AKAP6: variants seen among roughly 807,000 people sequenced by gnomAD.
AKAP6 encodes A-kinase anchor protein 6.
Under a neutral mutation model 188.5 loss-of-function variants are expected in AKAP6, and 58 were observed. The ratio of observed to expected loss-of-function variants is 0.31; its 90% CI spans 0.25 to 0.38. AKAP6 has a LOEUF of 0.38. Ranked by LOEUF, AKAP6 falls within the 10% of genes least tolerant of loss-of-function variation. The pLI, the probability that AKAP6 is intolerant of heterozygous loss-of-function variation, is 1.00. For synonymous variants in AKAP6, 989 were observed against 998.6 expected (o/e 0.99, Z 0.18); for missense variants, 2,710 against 2,740.0 (o/e 0.99, Z 0.24).
intron 8 of AKAP6, among the ~76,000 whole-genome samples, chr14:32,681,331 C>G (rs562836646): frequency 4.6e-5 from 7 of 152,158 alleles, no homozygotes; most frequent in African/African-American, 1.7e-4. Context: ...AAAACCATGT[C>G]TTTTCTTCAG....
At chr14:32,782,178 AAAGG>A (rs1265594115) in intron 12 of AKAP6, among the ~76,000 whole-genome samples, 5 of 123,110 alleles carry the variant, frequency 4.1e-5, no homozygotes, top group Non-Finnish European at 8.3e-5. Flanking sequence ...AAAAGGAAAG[AAAGG>A]AAGGGAGGGA....
At chr14:32,825,836 A>T (rs2034660348) in intron 13 of AKAP6, among the ~76,000 whole-genome samples, 1 of 152,208 alleles carries the variant, frequency 6.6e-6, no homozygotes, top group Non-Finnish European at 1.5e-5. Context: ...TTACAGAAGC[A>T]ATCTACCCTA....
chr14:32,723,911 G>C (rs1409946737), intron 9 of AKAP6, among the ~76,000 whole-genome samples: 1 of 152,188 alleles, frequency 6.6e-6, no homozygotes, highest in Non-Finnish European at 1.5e-5. Flanking sequence ...CTGGTAGTGA[G>C]GTGTTGGAGC....
intron 9 of AKAP6, chr14:32,718,354 T>C: frequency 1.0e-6 from 1 of 984,884 alleles, no homozygotes; most frequent in Non-Finnish European, 1.2e-6. Flanking sequence ...TAAAATTTAT[T>C]TTGTCAAAAT....
chr14:32,811,878 A>C (rs2034245421), intron 12 of AKAP6, among the ~76,000 whole-genome samples: 1 of 152,212 alleles, frequency 6.6e-6, no homozygotes, highest in African/African-American at 2.4e-5. Flanking sequence ...CTGAGTTTGC[A>C]AGTTGGGACC....
chr14:32,474,186 C>CG (rs1878933828), intron 2 of AKAP6: 2 of 152,202 alleles, frequency 1.3e-5, no homozygotes, highest in Admixed American at 1.3e-4. Flanking sequence ...GTGTGAGCCA[C>CG]GGTGCCCAGC....
chr14:32,457,664 G>C (rs1476896960), intron 2 of AKAP6, among the ~76,000 whole-genome samples: 1 of 152,196 alleles, frequency 6.6e-6, no homozygotes, highest in Non-Finnish European at 1.5e-5. Context: ...CATCCTGATA[G>C]AGTTCAGGCG....
chr14:32,367,320 A>C (rs1400057479), intron 1 of AKAP6, among the ~76,000 whole-genome samples: 1 of 152,244 alleles, frequency 6.6e-6, no homozygotes, highest in African/African-American at 2.4e-5. Flanking sequence ...GCATGATTTA[A>C]GAATATGAAG....
chr14:32,619,549 G>C (rs1886728095), intron 7 of AKAP6, among the ~76,000 whole-genome samples: 1 of 152,120 alleles, frequency 6.6e-6, no homozygotes, highest in African/African-American at 2.4e-5. Flanking sequence ...TTTTATACCA[G>C]TACCATGCTA....
At chr14:32,340,338 C>T (rs1264778046) in intron 1 of AKAP6, among the ~76,000 whole-genome samples, 1 of 152,064 alleles carries the variant, frequency 6.6e-6, no homozygotes, top group Non-Finnish European at 1.5e-5. Context: ...TTGCAATGTA[C>T]AAATACATTA....
At chr14:32,563,684 C>A (rs1174695208) in intron 4 of AKAP6, among the ~76,000 whole-genome samples, 1 of 152,136 alleles carries the variant, frequency 6.6e-6, no homozygotes, top group Non-Finnish European at 1.5e-5. Context: ...TGATGGCCAC[C>A]CCAGGTTCCT....
At chr14:32,597,335 T>G (rs908011886) in intron 5 of AKAP6, among the ~76,000 whole-genome samples, 1 of 152,114 alleles carries the variant, frequency 6.6e-6, no homozygotes, top group South Asian at 2.1e-4. Flanking sequence ...TAGGCTAAAT[T>G]TACAGTTATG....
chr14:32,625,660 A>C, intron 7 of AKAP6, among the ~76,000 whole-genome samples: 1 of 152,196 alleles, frequency 6.6e-6, no homozygotes, highest in South Asian at 2.1e-4. Flanking sequence ...TAAAAAAAAA[A>C]AACCCTTCTT....
At chr14:32,456,842 A>G (rs1278861076) in intron 2 of AKAP6, among the ~76,000 whole-genome samples, 1 of 152,222 alleles carries the variant, frequency 6.6e-6, no homozygotes, top group African/African-American at 2.4e-5. Context: ...TAACTTACCC[A>G]AGAGGAGGGA....
At chr14:32,809,109 T>C (rs949120745) in intron 12 of AKAP6, among the ~76,000 whole-genome samples, 2 of 152,230 alleles carry the variant, frequency 1.3e-5, no homozygotes, top group South Asian at 2.1e-4. Flanking sequence ...AGATGCTCAG[T>C]GTACGTGGGC....
At chr14:32,380,150 T>C (rs907243395) in intron 1 of AKAP6, among the ~76,000 whole-genome samples, 5 of 152,242 alleles carry the variant, frequency 3.3e-5, no homozygotes, top group Admixed American at 2.0e-4. Context: ...TAGCTCCTTT[T>C]CTATCCTGTG....
At chr14:32,579,653 C>G (rs1884878211) in intron 5 of AKAP6, among the ~76,000 whole-genome samples, 1 of 152,114 alleles carries the variant, frequency 6.6e-6, no homozygotes, top group East Asian at 1.9e-4. Context: ...GTGGCTCAAA[C>G]ATCTTTCAAT....
chr14:32,697,403 A>G (rs769151942), intron 9 of AKAP6, among the ~76,000 whole-genome samples: 46 of 152,292 alleles, frequency 3.0e-4, no homozygotes, highest in Middle Eastern at 3.4e-3. Context: ...ACAGCTATCT[A>G]ATATATCTTC....
chr14:32,516,582 A>G (rs974907364), intron 2 of AKAP6, among the ~76,000 whole-genome samples: 1 of 152,186 alleles, frequency 6.6e-6, no homozygotes, highest in Non-Finnish European at 1.5e-5. Flanking sequence ...TTCTGAAACT[A>G]TCGTATATGT....
Sources: gnomAD v4.1 joint callset for allele counts (sites outside exome capture counted in the v4.1 genomes callset) on GRCh38, gnomAD v4.1.1 for gene constraint, MANE v1.5 for transcripts, NCBI Gene and HGNC (gene_info 2026-07-23, HGNC 2026-07-21) for gene names.